TENM3: variants seen among roughly 807,000 people sequenced by gnomAD.
TENM3 encodes teneurin transmembrane protein 3, also known as teneurin-3.
TENM3 carries 63 observed loss-of-function variants against 255.1 expected under a neutral mutation model. That is an observed-to-expected ratio of 0.25 (90% CI 0.20 to 0.30). TENM3 has a LOEUF of 0.30. Ranked by LOEUF, TENM3 falls within the 10% of genes least tolerant of loss-of-function variation. The probability of loss-of-function intolerance (pLI) is 1.00; values close to 1 mark genes in which losing one functional copy is unlikely to be tolerated. For synonymous variants in TENM3, 1,306 were observed against 1,322.3 expected, an observed-to-expected ratio of 0.99 and a Z score of 0.27; for missense variants, 2,929 against 3,461.1, an observed-to-expected ratio of 0.85 and a Z score of 3.86.
chr4:181,769,894 A>G, the TENM3 span, among the ~76,000 whole-genome samples: 46 of 152,362 alleles, frequency 3.0e-4, no homozygotes, highest in African/African-American at 1.0e-3. Flanking sequence ...TTAAATTTAT[A>G]GAGCCTAAAA....
intron 1 of TENM3, among the ~76,000 whole-genome samples, chr4:182,159,792 C>T (rs1750985693): frequency 2.6e-5 from 4 of 152,074 alleles, no homozygotes. Context: ...ATAGCATTAG[C>T]GTAGTGGACG....
chr4:181,603,551 A>C, the TENM3 span, among the ~76,000 whole-genome samples: 4 of 152,346 alleles, frequency 2.6e-5, no homozygotes, highest in East Asian at 7.7e-4. Flanking sequence ...ATACAGCAGC[A>C]GTGAGCATAG....
intron 3 of TENM3, among the ~76,000 whole-genome samples, chr4:182,359,499 A>T (rs1297541249): frequency 6.6e-6 from 1 of 150,498 alleles, no homozygotes; most frequent in East Asian, 2.0e-4. Context: ...TTTCTAGTTT[A>T]TTTGCGTAGA....
the TENM3 span, among the ~76,000 whole-genome samples, chr4:182,118,228 A>C: frequency 0.027 from 4,093 of 152,160 alleles, 181 homozygotes; most frequent in African/African-American, 0.093. Context: ...TCATGCACGA[A>C]CAGAGACAGT....
chr4:182,754,365 C>G lies in TENM3; in HGVS notation c.4018-20C>G. On this transcript the variant is annotated intron_variant, in intron 21 of 27. Transcript: ENST00000511685. The surrounding 1 kb of genome is among the most constrained non-coding windows in gnomAD (Gnocchi z 5.1). ...GTAGTGCAGTAACTTACTAACCAGG[C>G]CATTTCTTTTTTTATTAAGGTACGT... is the stretch of plus-strand genomic sequence containing the variant. 2 of 1,559,100 alleles carry G rather than the reference C, an allele frequency of 1.3e-6. No homozygotes were observed. Among genetic ancestry groups the G allele is most frequent in the Non-Finnish European group, 1.7e-6 (2 of 1,150,138 alleles).
At chr4:181,616,691 C>G in the TENM3 span, among the ~76,000 whole-genome samples, 3 of 152,124 alleles carry the variant, frequency 2.0e-5, no homozygotes, top group Admixed American at 2.0e-4. Flanking sequence ...AACCTGGGGG[C>G]TGCTGGTTCC....
At chr4:181,847,572 CAT>C in the TENM3 span, among the ~76,000 whole-genome samples, 1 of 151,900 alleles carries the variant, frequency 6.6e-6, no homozygotes, top group Non-Finnish European at 1.5e-5. Context: ...TTGATCATAA[CAT>C]ATTATATAAC....
intron 1 of TENM3, among the ~76,000 whole-genome samples, chr4:182,197,061 T>C (rs1315071908): frequency 6.6e-6 from 1 of 152,228 alleles, no homozygotes; most frequent in Non-Finnish European, 1.5e-5. Flanking sequence ...CATGTTACAG[T>C]TTCACAATTT....
the TENM3 span, among the ~76,000 whole-genome samples, chr4:181,669,843 A>G: frequency 6.6e-6 from 1 of 152,096 alleles, no homozygotes; most frequent in Non-Finnish European, 1.5e-5. Context: ...GTTCGATGGG[A>G]CCTCTAGGGA....
the TENM3 span, among the ~76,000 whole-genome samples, chr4:182,051,598 C>G: frequency 6.6e-6 from 1 of 151,962 alleles, no homozygotes; most frequent in Non-Finnish European, 1.5e-5. Flanking sequence ...AAGATGGTCT[C>G]GATCTCCTGA....
rs1762581409 is a variant in TENM3 at position 182,754,417 on chromosome 4, T to C, written c.4050T>C (p.Ile1350=). The part of the protein sequence containing the change: ...VRLEWPTDLA[I]NPMDNSIYVL... ...TGGAATGGCCCACTGACCTAGCCATTAACCCTATGGATAACTCCATTTATG... is the reference window on the plus strand; with the variant it reads ...TGGAATGGCCCACTGACCTAGCCATCAACCCTATGGATAACTCCATTTATG... Residue 1350 remains isoleucine, a synonymous_variant, in exon 22 of 28, where the codon ATT becomes ATC. Coordinates refer to ENST00000511685, the MANE Select transcript of TENM3 (RefSeq NM_001080477.4). The surrounding 1 kb of genome is among the most constrained non-coding windows in gnomAD (Gnocchi z 5.1). 1 of 1,608,690 alleles carries C rather than the reference T, an allele frequency of 6.2e-7. No individual in the cohort carries two copies. Among genetic ancestry groups the C allele is most frequent in the Non-Finnish European group, 8.5e-7 (1 of 1,177,142 alleles).
At chr4:182,579,306 G>A (rs1431397382) in intron 3 of TENM3, among the ~76,000 whole-genome samples, 2 of 152,188 alleles carry the variant, frequency 1.3e-5, no homozygotes, top group East Asian at 3.9e-4. Flanking sequence ...TCAGCAGAGA[G>A]TGATTTATTT....
At chr4:181,669,463 C>T in the TENM3 span, among the ~76,000 whole-genome samples, 3 of 152,108 alleles carry the variant, frequency 2.0e-5, no homozygotes, top group Non-Finnish European at 2.9e-5. Context: ...ACACAATATA[C>T]CCCCATGTCA....
chr4:182,098,955 C>CTTTTTTTTTT, the TENM3 span, among the ~76,000 whole-genome samples: 10 of 133,840 alleles, frequency 7.5e-5, 1 homozygote, highest in Non-Finnish European at 9.4e-5. Context: ...GTGCACAACT[C>CTTTTTTTTTT]TTTTTTTCTT....
At chr4:182,281,944 C>T (rs1359599213) in intron 1 of TENM3, among the ~76,000 whole-genome samples, 1 of 152,094 alleles carries the variant, frequency 6.6e-6, no homozygotes, top group African/African-American at 2.4e-5. Context: ...CCATGTTGGC[C>T]AGGCTGGTCT....
At chr4:182,452,602 C>G (rs1377433173) in intron 3 of TENM3, among the ~76,000 whole-genome samples, 1 of 152,126 alleles carries the variant, frequency 6.6e-6, no homozygotes, top group Non-Finnish European at 1.5e-5. Context: ...TCACTTTGAT[C>G]TAGACAAATC....
the TENM3 span, among the ~76,000 whole-genome samples, chr4:181,504,606 C>T: frequency 2.0e-5 from 3 of 152,162 alleles, no homozygotes; most frequent in African/African-American, 7.2e-5. Flanking sequence ...ATAGTTCTAG[C>T]AGTATTACAG....
At chr4:182,318,686 C>T (rs1312172752) in intron 1 of TENM3, among the ~76,000 whole-genome samples, 1 of 152,112 alleles carries the variant, frequency 6.6e-6, no homozygotes, top group East Asian at 1.9e-4. Flanking sequence ...AGCTGAGTTG[C>T]GTTTCAAGGA....
At chr4:182,120,492 G>A in the TENM3 span, among the ~76,000 whole-genome samples, 1 of 152,180 alleles carries the variant, frequency 6.6e-6, no homozygotes, top group African/African-American at 2.4e-5. Flanking sequence ...ATATACACAT[G>A]TATTTGCTTG....
Sources: gnomAD v4.1 joint callset for allele counts (sites outside exome capture counted in the v4.1 genomes callset) on GRCh38, gnomAD v4.1.1 for gene constraint, Gnocchi (gnomAD v3.1) non-coding constraint, MANE v1.5 for transcripts, NCBI Gene and HGNC (gene_info 2026-07-23, HGNC 2026-07-21) for gene names.